ZNF518A: variants seen among roughly 807,000 people sequenced by gnomAD.
ZNF518A encodes zinc finger protein 518.
ZNF518A carries 47 observed loss-of-function variants against 102.7 expected under a neutral mutation model. The observed-to-expected ratio is 0.46, with a 90% CI of 0.36 to 0.58. ZNF518A has a LOEUF of 0.58. Ranked by LOEUF, ZNF518A falls within the 20% of genes least tolerant of loss-of-function variation. The pLI, the probability that ZNF518A is intolerant of heterozygous loss-of-function variation, is 0.00. For missense variants in ZNF518A, 1,793 were observed against 1,699.8 expected, an observed-to-expected ratio of 1.05 and a Z score of -0.96; for synonymous variants, 652 against 594.6, an observed-to-expected ratio of 1.10 and a Z score of -1.40.
intron 3 of ZNF518A, among the ~76,000 whole-genome samples, chr10:96,142,343 TGTGTGTGTG>T (rs1554876866): frequency 6.6e-6 from 1 of 151,452 alleles, no homozygotes; most frequent in African/African-American, 2.4e-5. Flanking sequence ...TGTGTGTGTG[TGTGTGTGTG>T]TGTTTCTAGA....
intron 1 of ZNF518A, among the ~76,000 whole-genome samples, chr10:96,180,308 G>A (rs1447276683): frequency 6.7e-6 from 1 of 150,358 alleles, no homozygotes; most frequent in Non-Finnish European, 1.5e-5. Flanking sequence ...ACAGGTGTGA[G>A]CCACTGTACC....
intron 3 of ZNF518A, among the ~76,000 whole-genome samples, chr10:96,147,585 G>A (rs967446159): frequency 1.3e-5 from 2 of 152,088 alleles, no homozygotes; most frequent in Admixed American, 6.5e-5. Context: ...TAGACCCTTG[G>A]CAAAATGTAG....
intron 3 of ZNF518A, among the ~76,000 whole-genome samples, chr10:96,154,231 G>A (rs1054999816): frequency 6.6e-6 from 1 of 152,284 alleles, no homozygotes; most frequent in East Asian, 1.9e-4. Flanking sequence ...GCTCTCAGGA[G>A]GCTGAGGTGG....
intron 1 of ZNF518A, among the ~76,000 whole-genome samples, chr10:96,131,216 C>G (rs987870852): frequency 1.3e-5 from 2 of 152,112 alleles, no homozygotes; most frequent in Non-Finnish European, 2.9e-5. Flanking sequence ...GATAGGAATT[C>G]TATTAACTTG....
intron 3 of ZNF518A, among the ~76,000 whole-genome samples, chr10:96,151,967 T>C (rs1346056668): frequency 6.6e-6 from 1 of 152,216 alleles, no homozygotes; most frequent in Non-Finnish European, 1.5e-5. Flanking sequence ...TCAAGTCTTA[T>C]GCTGTAATAA....
At chr10:96,138,197 C>G (rs782792687) in intron 3 of ZNF518A, among the ~76,000 whole-genome samples, 8 of 152,182 alleles carry the variant, frequency 5.3e-5, no homozygotes. Flanking sequence ...CTGTTCTTAG[C>G]ATAGCAGCCC....
chr10:96,153,108 C>G (rs1554880926), intron 3 of ZNF518A, among the ~76,000 whole-genome samples: 1 of 152,242 alleles, frequency 6.6e-6, no homozygotes, highest in Non-Finnish European at 1.5e-5. Context: ...CTGGCTAAAG[C>G]AGGGCTGCTG....
In ZNF518A at chr10:96,157,649, A is replaced by G. The variant is rs781875181; in HGVS notation, c.1327A>G (p.Thr443Ala). The part of the protein sequence containing the change: ...KLAVSPNYNA[T>A]FMGFKMMDGK... ...AGCAGTTTCCCCTAACTATAATGCTACGTTTATGGGCTTCAAGATGATGGA... is the reference window on the plus strand; with the variant it reads ...AGCAGTTTCCCCTAACTATAATGCTGCGTTTATGGGCTTCAAGATGATGGA... The change falls in exon 6 of 6, where the codon ACG becomes GCG. Residue 443 changes from threonine to alanine, a missense_variant. Physicochemically the swap from Thr to Ala is moderately conservative, Grantham distance 58. Coordinates refer to ENST00000316045, the MANE Select transcript of ZNF518A (RefSeq NM_001330736.2). 1 of 1,613,762 alleles carries G rather than the reference A, an allele frequency of 6.2e-7. No individual in the cohort carries two copies. The highest frequency in any genetic ancestry group is 1.3e-5 in the African/African-American group (1 of 74,924).
At chr10:96,198,414 G>A (rs1554895223) in intron 1 of ZNF518A, among the ~76,000 whole-genome samples, 1 of 152,096 alleles carries the variant, frequency 6.6e-6, no homozygotes, top group African/African-American at 2.4e-5. Flanking sequence ...GTATTGAAAG[G>A]GCTTCTGTCT....
At chr10:96,190,196 GTCCATGTCCATCGAATCT>G in intron 1 of ZNF518A, 1 of 779,768 alleles carries the variant, frequency 1.3e-6, no homozygotes, top group Non-Finnish European at 2.3e-6. Context: ...GGGGGCTCAC[GTCCATGTCCATCGAATCT>G]TCCATCAGGT....
rs74935399 is a variant in ZNF518A, at chr10:96,161,037, T to C, written c.*263T>C. The C allele has an allele frequency of 0.013, 4,405 of 341,490 alleles. 146 individuals are homozygous for C. Among genetic ancestry groups the C allele is most frequent in the East Asian group, 0.11 (2,076 of 18,328 alleles). The allele number at this position is 341,490 out of a possible 1,614,324, so 21.2% of individuals were successfully genotyped here. On this transcript the variant is annotated 3_prime_UTR_variant, in exon 6 of 6. Transcript: ENST00000316045. ...TTTTTTAAACGTGTTCTCGGGAAGT[T>C]AGGGCTAAAGAAAATTTTGATAAAA...
chr10:96,159,273 A>G lies in ZNF518A; in HGVS notation c.2951A>G (p.Asn984Ser). ...KKPGMVLTLN[N>S]GKLEGVSAVK... is the part of the protein sequence containing the mutation. ...CCTGGGATGGTTTTAACACTTAATAATGGGAAACTTGAAGGTGTTTCCGCT... is the reference window on the plus strand; with the variant it reads ...CCTGGGATGGTTTTAACACTTAATAGTGGGAAACTTGAAGGTGTTTCCGCT... Residue 984 changes from asparagine to serine, a missense_variant, in exon 6 of 6, where the codon AAT becomes AGT. Asn to Ser is a conservative substitution (Grantham distance 46). Coordinates refer to ENST00000316045, the MANE Select transcript of ZNF518A (RefSeq NM_001330736.2). 1.2e-6 allele frequency: 2 copies of G among 1,613,448 alleles called. No homozygotes were observed. The highest frequency in any genetic ancestry group is 1.7e-6 in the Non-Finnish European group (2 of 1,179,712).
At position 96,158,077 on chromosome 10, in the gene ZNF518A, G is replaced by T. The variant is rs1554884173; in HGVS notation, c.1755G>T (p.Gln585His). 1.2e-6 allele frequency: 2 copies of T among 1,613,590 alleles called. No homozygotes were observed. The highest frequency in any genetic ancestry group is 3.3e-5 in the Admixed American group (2 of 59,918). Residue 585 changes from glutamine to histidine, a missense_variant, in exon 6 of 6, where the codon CAG (glutamine) becomes CAT (histidine). By Grantham distance (24) the Gln-to-His change is conservative (BLOSUM62 0). Transcript: ENST00000316045. ...NVDFWGNHLT[Q>H]SHPEVLGTTI... is the part of the protein sequence containing the mutation. Reference sequence around the variant, plus strand: ...ACTTCTGGGGAAATCATCTCACTCAGAGTCACCCCGAGGTATTAGGTACCA... The same window carrying T: ...ACTTCTGGGGAAATCATCTCACTCATAGTCACCCCGAGGTATTAGGTACCA...
At chr10:96,168,673 T>G (rs1173540927), downstream of ZNF518A, among the ~76,000 whole-genome samples, 6 of 152,204 alleles carry the variant, frequency 3.9e-5, no homozygotes, top group African/African-American at 1.4e-4. Flanking sequence ...ACTTCTAATA[T>G]GTCATCCCAT....
chr10:96,202,077 G>C (rs1013073568), intron 1 of ZNF518A, among the ~76,000 whole-genome samples: 2 of 152,126 alleles, frequency 1.3e-5, no homozygotes, highest in Non-Finnish European at 2.9e-5. Flanking sequence ...AATAGCAAGG[G>C]TGCCACTGTG....
At chr10:96,195,158 A>G (rs2083434087) in intron 1 of ZNF518A, among the ~76,000 whole-genome samples, 4 of 152,210 alleles carry the variant, frequency 2.6e-5, no homozygotes, top group Admixed American at 2.6e-4. Context: ...AATTCAGAAT[A>G]TAACAAGTGC....
intron 1 of ZNF518A, among the ~76,000 whole-genome samples, chr10:96,184,369 G>A (rs1020395989): frequency 1.2e-4 from 18 of 152,158 alleles, no homozygotes; most frequent in African/African-American, 3.1e-4. Context: ...TATTTTGCCC[G>A]TTAATTGATG....
chr10:96,158,126 A>G lies in ZNF518A; in HGVS notation c.1804A>G (p.Asn602Asp). ...CACCATTAAAAGTCCAGATAAAGTC[A>G]ACTGTGTTGCCAAACCAAATGCATA... ...GTTIKSPDKV[N>D]CVAKPNAYNS... The change falls in exon 6 of 6, where the codon AAC (asparagine) becomes GAC (aspartate). Residue 602 changes from asparagine (N) to aspartate (D), a missense_variant. Physicochemically the swap from Asn to Asp is conservative, Grantham distance 23. Around this residue, in one of 3 missense-constraint regions of ZNF518A, gnomAD observed 1,741 missense variants for 1,622.6 expected, o/e 1.07. Coordinates refer to ENST00000316045, the MANE Select transcript of ZNF518A (RefSeq NM_001330736.2). 1 of 1,613,590 alleles carries G rather than the reference A, an allele frequency of 6.2e-7. No individual in the cohort carries two copies. Among genetic ancestry groups the G allele is most frequent in the African/African-American group, 1.3e-5 (1 of 75,038 alleles).
chr10:96,143,664 A>T (rs1564750191), intron 3 of ZNF518A, among the ~76,000 whole-genome samples: 1 of 152,178 alleles, frequency 6.6e-6, no homozygotes, highest in Non-Finnish European at 1.5e-5. Context: ...AGGATACAGG[A>T]TTTCCTGGAA....
Sources: allele counts gnomAD v4.1 joint callset (sites outside exome capture counted in the v4.1 genomes callset), GRCh38; gene constraint gnomAD v4.1.1; regional missense constraint gnomAD v4.1.1; transcripts MANE v1.5; gene names NCBI Gene and HGNC (gene_info 2026-07-23, HGNC 2026-07-21).